The following ZFPM1 variants were observed in gnomAD, a reference collection of about 807,000 sequenced individuals.
The protein encoded by ZFPM1 is zinc finger protein, FOG family member 1, also known as zinc finger protein ZFPM1.
A neutral mutation model predicts 46.3 loss-of-function variants in ZFPM1; 28 were observed. The observed-to-expected ratio is 0.60, with a 90% CI of 0.45 to 0.83. ZFPM1 has a LOEUF of 0.83. ZFPM1 is among the 40% of genes least tolerant of loss of function. The pLI is 0.00. For missense variants in ZFPM1, 1,878 were observed against 1,432.4 expected, an observed-to-expected ratio of 1.31 and a Z score of -5.02; for synonymous variants, 957 against 675.9, an observed-to-expected ratio of 1.42 and a Z score of -6.45.
intron 4 of ZFPM1, among the ~76,000 whole-genome samples, chr16:88,519,165 A>C (rs1343794612): frequency 9.3e-6 from 1 of 108,028 alleles, no homozygotes; most frequent in African/African-American, 3.6e-5. Flanking sequence ...GGGTGGATGC[A>C]TGGGTGGGTG....
At chr16:88,462,281 C>T (rs1318576018) in intron 1 of ZFPM1, among the ~76,000 whole-genome samples, 3 of 152,354 alleles carry the variant, frequency 2.0e-5, no homozygotes, top group Non-Finnish European at 4.4e-5. Context: ...GGCCCTGACT[C>T]CCCTGGTTCC....
chr16:88,495,005 A>G (rs1909854477), intron 3 of ZFPM1, among the ~76,000 whole-genome samples: 1 of 152,240 alleles, frequency 6.6e-6, no homozygotes, highest in African/African-American at 2.4e-5. Context: ...TGGCTAAGCC[A>G]TAATCTATAA....
intron 9 of ZFPM1, 35 bp downstream of exon 9, chr16:88,532,970 A>G (rs762569583): frequency 6.2e-7 from 1 of 1,610,944 alleles, no homozygotes; most frequent in South Asian, 1.1e-5. Flanking sequence ...CCTGCCCCTT[A>G]GGCCCCCTGA....
intron 1 of ZFPM1, among the ~76,000 whole-genome samples, chr16:88,479,861 C>G (rs566571310): frequency 0.014 from 1,949 of 140,144 alleles, 25 homozygotes; most frequent in Middle Eastern, 0.022. Context: ...CCCTCCCCCC[C>G]GCTGCCACCC....
intron 1 of ZFPM1, among the ~76,000 whole-genome samples, chr16:88,472,932 A>ACAGAGCT: frequency 6.6e-6 from 1 of 152,200 alleles, no homozygotes; most frequent in East Asian, 1.9e-4. Flanking sequence ...GGCCTGCATC[A>ACAGAGCT]CAGAGCTCAG....
intron 3 of ZFPM1, among the ~76,000 whole-genome samples, chr16:88,504,072 A>G (rs899732): frequency 0.36 from 53,805 of 151,400 alleles, 9,938 homozygotes; most frequent in East Asian, 0.47. Flanking sequence ...CCCAGGGCTG[A>G]GGCAGTACCC....
intron 4 of ZFPM1, among the ~76,000 whole-genome samples, chr16:88,520,456 T>C (rs1341505275): frequency 1.4e-5 from 2 of 144,298 alleles, no homozygotes; most frequent in Non-Finnish European, 3.0e-5. Flanking sequence ...GGTAGATGGA[T>C]GGTGGATGGA....
At chr16:88,468,134 G>A (rs1449302889) in intron 1 of ZFPM1, among the ~76,000 whole-genome samples, 3 of 109,352 alleles carry the variant, frequency 2.7e-5, no homozygotes, top group South Asian at 3.6e-4. Context: ...ACGCACCCGC[G>A]AGCCCACTGC....
intron 1 of ZFPM1, among the ~76,000 whole-genome samples, chr16:88,477,897 G>A (rs537709262): frequency 4.6e-5 from 7 of 152,252 alleles, no homozygotes; most frequent in Admixed American, 2.0e-4. Context: ...CCTGGAGGGC[G>A]TGTTGGGCTC....
chr16:88,461,542 G>A (rs1907890913), intron 1 of ZFPM1, among the ~76,000 whole-genome samples: 2 of 152,170 alleles, frequency 1.3e-5, no homozygotes, highest in Admixed American at 6.5e-5. Flanking sequence ...AGCTTGATGA[G>A]AACACCTCCT....
At chr16:88,502,081 T>TCC (rs1567541899) in intron 3 of ZFPM1, among the ~76,000 whole-genome samples, 3 of 131,290 alleles carry the variant, frequency 2.3e-5, no homozygotes, top group African/African-American at 9.1e-5. Flanking sequence ...TTTATTTATT[T>TCC]ATTTATTTAT....
chr16:88,520,260 A>G (rs1911727828), intron 4 of ZFPM1, among the ~76,000 whole-genome samples: 1 of 149,776 alleles, frequency 6.7e-6, no homozygotes, highest in South Asian at 2.1e-4. Flanking sequence ...GGATAGATGG[A>G]TGAGTGGATG....
Position 88,532,045 on chromosome 16 carries a change from C to A in ZFPM1, c.756C>A (p.Ser252Arg), listed in dbSNP as rs367558844. 3 of 1,611,764 alleles carry A rather than the reference C, an allele frequency of 1.9e-6. No homozygotes were observed. The highest frequency in any genetic ancestry group is 2.5e-6 in the Non-Finnish European group (3 of 1,179,316). ...AGGACTGTGGCATCTGGTACCGCAG[C>A]GAGCGCAACCTGCAGGCGCACCTGC... ...PCKDCGIWYR[S>R]ERNLQAHLLY... The change falls in exon 7 of 10, where the codon AGC becomes AGA. Residue 252 changes from serine to arginine, a missense_variant. By Grantham distance (110) the Ser-to-Arg change is moderately radical (BLOSUM62 -1). Transcript: ENST00000319555.
intron 1 of ZFPM1, among the ~76,000 whole-genome samples, chr16:88,477,663 C>G (rs1011250097): frequency 7.2e-5 from 11 of 152,132 alleles, no homozygotes; most frequent in Non-Finnish European, 1.3e-4. Context: ...CAGGCACACT[C>G]CAGCCAGGGC....
intron 4 of ZFPM1, chr16:88,516,632 C>G: frequency 2.5e-6 from 1 of 398,676 alleles, no homozygotes; most frequent in East Asian, 3.6e-5. Context: ...TCAAGATATG[C>G]ACGCCTTTCC....
chr16:88,457,794 A>G (rs527385893), intron 1 of ZFPM1, among the ~76,000 whole-genome samples: 1 of 152,204 alleles, frequency 6.6e-6, no homozygotes, highest in South Asian at 2.1e-4. Context: ...CCTGCCCTCA[A>G]GCCACATTTA....
Position 88,534,253 on chromosome 16 carries a change from G to A in ZFPM1, c.2295G>A (p.Ala765=), listed in dbSNP as rs1315801020. Residue 765 remains alanine (A), a synonymous_variant, in exon 10 of 10, where the codon GCG becomes GCA. Transcript: ENST00000319555. The stretch of plus-strand genomic sequence containing the variant: ...CCCCGCCGCCCGGCCACGCCCCCGC[G>A]CCCGAGTCGCCGCGGCCCGGAAGCG... ...PPPPPPGHAP[A]PESPRPGSGS... 3 of 1,025,616 alleles carry A rather than the reference G, an allele frequency of 2.9e-6. No individual in the cohort carries two copies. Among genetic ancestry groups the A allele is most frequent in the Non-Finnish European group, 3.5e-6 (3 of 863,720 alleles). The allele number at this position is 1,025,616 out of a possible 1,614,324, so 63.5% of individuals were successfully genotyped here. A position where few individuals can be genotyped will look rare whatever the true frequency, so the allele number is the denominator to read the frequency against.
At position 88,473,623 on chromosome 16, in the gene ZFPM1, C is replaced by T. The variant is rs188510749; in HGVS notation, c.41-12316C>T. Reference sequence around the variant, plus strand: ...CTCCACCCATCTGACGCAGGCTGCGCGGCGATGGCTCCGTGAGCCGCGGCC... The same window carrying T: ...CTCCACCCATCTGACGCAGGCTGCGTGGCGATGGCTCCGTGAGCCGCGGCC... On this transcript the variant is annotated intron_variant, in intron 1 of 9. Coordinates refer to ENST00000319555, the MANE Select transcript of ZFPM1 (RefSeq NM_153813.3). Among the ~76,000 whole-genome samples, 544 of 152,214 alleles carry T rather than the reference C, an allele frequency of 3.6e-3. 2 individuals are homozygous for T. The highest frequency in any genetic ancestry group is 6.8e-3 in the Middle Eastern group (2 of 294).
chr16:88,522,312 G>C (rs1431881451), intron 4 of ZFPM1, among the ~76,000 whole-genome samples: 1 of 152,252 alleles, frequency 6.6e-6, no homozygotes, highest in Non-Finnish European at 1.5e-5. Context: ...AGGTGATGGG[G>C]AGGTGGAGGA....
Sources: gnomAD v4.1 joint callset for allele counts (sites outside exome capture counted in the v4.1 genomes callset) on GRCh38, gnomAD v4.1.1 for gene constraint, MANE v1.5 for transcripts, NCBI Gene and HGNC (gene_info 2026-07-23, HGNC 2026-07-21) for gene names.